DMD: variants seen among roughly 807,000 people sequenced by gnomAD.
The protein encoded by DMD is mutant dystrophin.
Under a neutral mutation model 330.1 loss-of-function variants are expected in DMD, and 63 were observed. The ratio of observed to expected loss-of-function variants is 0.19; its 90% CI spans 0.16 to 0.24. The LOEUF (loss-of-function observed/expected upper bound fraction) is 0.24, where lower values mean the gene tolerates loss of function less well. Among genes scored for constraint, DMD ranks in the 10% least tolerant of loss-of-function variants. The pLI is 1.00. For missense variants in DMD, 3,344 were observed against 2,684.1 expected, an observed-to-expected ratio of 1.25 and a Z score of -5.43; for synonymous variants, 1,223 against 959.8, an observed-to-expected ratio of 1.27 and a Z score of -5.07.
At position 31,875,222 on chromosome X, in the gene DMD, T is replaced by C. The variant is rs1366729351; in HGVS notation, c.7064A>G (p.Asn2355Ser). The C allele has an allele frequency of 2.5e-6, 3 of 1,207,988 alleles. No homozygotes were observed. The highest frequency in any genetic ancestry group is 3.4e-6 in the Non-Finnish European group (3 of 893,684). ...AAATGGTCCTTCTTGGTTTGGTTGGTTATAAATTTCCAACTGATTCCTAAT... is the reference window on the plus strand; with the variant it reads ...AAATGGTCCTTCTTGGTTTGGTTGGCTATAAATTTCCAACTGATTCCTAAT... ...SPIRNQLEIY[N>S]QPNQEGPFDV... Residue 2355 changes from asparagine to serine, a missense_variant, in exon 48 of 79, where the codon AAC (asparagine) becomes AGC (serine). By Grantham distance (46) the Asn-to-Ser change is conservative. Transcript: ENST00000357033.
intron 2 of DMD, among the ~76,000 whole-genome samples, chrX:32,912,464 T>A (rs983866437): frequency 1.8e-5 from 2 of 110,755 alleles, no homozygotes; most frequent in Non-Finnish European, 3.8e-5. Context: ...ATCCCACTCC[T>A]ACATGTATAC....
At chrX:32,772,157 A>C (rs2073680010) in intron 7 of DMD, among the ~76,000 whole-genome samples, 1 of 112,506 alleles carries the variant, frequency 8.9e-6, no homozygotes, top group African/African-American at 3.2e-5. Flanking sequence ...CTGCTGTAAA[A>C]GTTTCTGATT....
intron 1 of DMD, among the ~76,000 whole-genome samples, chrX:33,101,779 G>A (rs1259975470): frequency 8.9e-6 from 1 of 112,528 alleles, no homozygotes; most frequent in Non-Finnish European, 1.9e-5. Flanking sequence ...CTAAAATGAG[G>A]AAGTAAATAA....
intron 41 of DMD, among the ~76,000 whole-genome samples, chrX:32,319,161 TA>T (rs2097597640): frequency 9.0e-6 from 1 of 111,661 alleles, no homozygotes; most frequent in African/African-American, 3.2e-5. Context: ...GATAAAATTT[TA>T]GTCACTAAGT....
intron 7 of DMD, among the ~76,000 whole-genome samples, chrX:32,717,128 G>C (rs752812680): frequency 9.0e-6 from 1 of 110,962 alleles, no homozygotes; most frequent in Non-Finnish European, 1.9e-5. Flanking sequence ...AGCTGTCTGC[G>C]GAAATTTGCA....
At chrX:33,010,238 A>ACATATGTGTGTATATGTGTG (rs2093667717) in intron 2 of DMD, among the ~76,000 whole-genome samples, 1 of 107,231 alleles carries the variant, frequency 9.3e-6, no homozygotes, top group Non-Finnish European at 1.9e-5. Context: ...GTATATATGT[A>ACATATGTGTGTATATGTGTG]CATATGTGTG....
At chrX:33,207,064 C>T (rs1603416890) in intron 1 of DMD, among the ~76,000 whole-genome samples, 2 of 110,771 alleles carry the variant, frequency 1.8e-5, no homozygotes, top group African/African-American at 6.6e-5. Context: ...TTGTTTCTCT[C>T]TATATGAGGA....
chrX:31,967,744 C>T (rs1008561828), intron 45 of DMD, among the ~76,000 whole-genome samples: 3 of 111,508 alleles, frequency 2.7e-5, no homozygotes, highest in African/African-American at 6.5e-5. Flanking sequence ...TGCAGCAGCA[C>T]GCATTTGGCT....
intron 44 of DMD, among the ~76,000 whole-genome samples, chrX:32,213,687 C>A (rs778722368): frequency 3.6e-5 from 4 of 111,730 alleles, no homozygotes; most frequent in African/African-American, 9.8e-5. Context: ...TTAAAATTAT[C>A]CAGTTGGCCA....
intron 44 of DMD, among the ~76,000 whole-genome samples, chrX:32,036,081 G>A (rs1251101958): frequency 3.6e-5 from 4 of 111,420 alleles, no homozygotes; most frequent in African/African-American, 1.3e-4. Flanking sequence ...GTCCTTTGTG[G>A]TTAAAGAACT....
chrX:31,482,319 AAAT>A (rs1396282202), intron 57 of DMD, among the ~76,000 whole-genome samples: 1 of 110,442 alleles, frequency 9.1e-6, no homozygotes, highest in African/African-American at 3.3e-5. Flanking sequence ...TTCCACAAGG[AAAT>A]AATAAATTCT....
At chrX:32,558,966 T>C (rs5928011) in intron 16 of DMD, among the ~76,000 whole-genome samples, 21,490 of 86,097 alleles carry the variant, frequency 0.25, 2,576 homozygotes, top group Admixed American at 0.32. Context: ...TTTTTTTTTT[T>C]TTGAGACGAA....
intron 63 of DMD, among the ~76,000 whole-genome samples, chrX:31,225,308 C>T (rs1216200999): frequency 8.9e-6 from 1 of 112,292 alleles, no homozygotes; most frequent in Non-Finnish European, 1.9e-5. Context: ...CCACAGGCGG[C>T]CACTGTAAGT....
chrX:32,104,485 T>A (rs2096555052), intron 44 of DMD, among the ~76,000 whole-genome samples: 1 of 111,549 alleles, frequency 9.0e-6, no homozygotes, highest in Non-Finnish European at 1.9e-5. Flanking sequence ...TTAGAGCTGT[T>A]CTGAATTCTG....
chrX:32,676,687 A>C (rs750300165), intron 9 of DMD, among the ~76,000 whole-genome samples: 2 of 111,723 alleles, frequency 1.8e-5, no homozygotes, highest in Non-Finnish European at 3.8e-5. Context: ...TTATCATTAC[A>C]AGCTCAGTTA....
chrX:31,206,751 A>ACGCCTGTAATCCC, intron 65 of DMD, 84 bp from the exon 66 acceptor site: 1 of 795,137 alleles, frequency 1.3e-6, no homozygotes, highest in Non-Finnish European at 1.9e-6. Context: ...AAGCCTTGAA[A>ACGCCTGTAATCCC]AGGAAAAATA....
chrX:32,042,005 C>T (rs75563312), intron 44 of DMD, among the ~76,000 whole-genome samples: 10,339 of 71,576 alleles, frequency 0.14, 787 homozygotes, highest in Non-Finnish European at 0.18. Context: ...CCCTTCCTCC[C>T]TCTCTCTCTC....
chrX:32,682,965 C>T (rs1041366365), intron 9 of DMD, among the ~76,000 whole-genome samples: 1 of 111,428 alleles, frequency 9.0e-6, no homozygotes, highest in African/African-American at 3.3e-5. Flanking sequence ...CAATGAATAG[C>T]GTTCCCTTGC....
At chrX:32,247,845 C>A (rs1242866049) in intron 43 of DMD, among the ~76,000 whole-genome samples, 2 of 111,279 alleles carry the variant, frequency 1.8e-5, no homozygotes, top group Admixed American at 9.6e-5. Flanking sequence ...ATTTCTAGCC[C>A]TCAGAATCAT....
Sources: allele counts gnomAD v4.1 joint callset (sites outside exome capture counted in the v4.1 genomes callset), GRCh38; gene constraint gnomAD v4.1.1; transcripts MANE v1.5; gene names NCBI Gene and HGNC (gene_info 2026-07-23, HGNC 2026-07-21).